FAM20B: variants seen among roughly 807,000 people sequenced by gnomAD.
FAM20B encodes the protein glycosaminoglycan xylosylkinase.
A neutral mutation model predicts 43.8 loss-of-function variants in FAM20B; 23 were observed. The observed-to-expected ratio is 0.53, with a 90% CI of 0.38 to 0.74. FAM20B has a LOEUF of 0.74. Ranked by LOEUF, FAM20B falls within the 30% of genes least tolerant of loss-of-function variation. FAM20B has a pLI of 0.00. For synonymous variants in FAM20B, 178 were observed against 192.4 expected, an observed-to-expected ratio of 0.93 and a Z score of 0.62; for missense variants, 440 against 510.5, an observed-to-expected ratio of 0.86 and a Z score of 1.33.
At chr1:179,017,336 C>G in the FAM20B span, among the ~76,000 whole-genome samples, 851 of 152,356 alleles carry the variant, frequency 5.6e-3, 10 homozygotes, top group African/African-American at 0.02. Context: ...GCAGCCTCAG[C>G]TCCTGTTGGT....
In FAM20B at chr1:179,071,923, T is replaced by G. The variant is rs887589979; in HGVS notation, c.1009T>G (p.Ser337Ala). 6.2e-7 allele frequency: 1 copy of G among 1,612,744 alleles called. No homozygotes were observed. The highest frequency in any genetic ancestry group is 1.3e-5 in the African/African-American group (1 of 74,910). The change falls in exon 8 of 8, where the codon TCC becomes GCC. Residue 337 changes from serine (S) to alanine (A), a missense_variant. Transcript: ENST00000263733. ...PLYQCCIIRV[S>A]TWNRLNYLKN... ...AACTTTTTCTCCCAGCATTCGGGTG[T>G]CCACCTGGAACAGACTGAACTACCT...
chr1:179,069,372 GT>G (rs1209176703), intron 7 of FAM20B, among the ~76,000 whole-genome samples: 1 of 151,990 alleles, frequency 6.6e-6, no homozygotes, highest in Non-Finnish European at 1.5e-5. Flanking sequence ...TTTTGTTTTT[GT>G]TTTGTTTTGT....
chr1:179,071,846 G>A (rs1651935740), intron 7 of FAM20B, 67 bp from the exon 8 acceptor site: 1 of 1,099,814 alleles, frequency 9.1e-7, no homozygotes, highest in Non-Finnish European at 1.4e-6. Context: ...TGTCTGCCTA[G>A]CAGGCTTTCA....
At chr1:179,048,196 C>T (rs941179853) in intron 2 of FAM20B, among the ~76,000 whole-genome samples, 7 of 152,076 alleles carry the variant, frequency 4.6e-5, no homozygotes, top group African/African-American at 7.2e-5. Flanking sequence ...CCTAGAAGCG[C>T]GTAGAAGTGA....
intron 7 of FAM20B, among the ~76,000 whole-genome samples, chr1:179,070,517 T>C (rs1211420727): frequency 2.7e-5 from 1 of 36,980 alleles, no homozygotes; most frequent in Non-Finnish European, 5.4e-5. Flanking sequence ...GAACTCGCCT[T>C]TTTTTTTTTT....
intron 5 of FAM20B, 47 bp from the exon 6 acceptor site, chr1:179,064,258 C>A: frequency 6.7e-7 from 1 of 1,498,492 alleles, no homozygotes; most frequent in Non-Finnish European, 9.2e-7. Flanking sequence ...TGTAACAGTG[C>A]CAGGTACAGT....
chr1:179,072,150 G>A lies in FAM20B; in HGVS notation c.*6G>A, dbSNP rs765890211. On this transcript the variant is annotated 3_prime_UTR_variant, in exon 8 of 8. Coordinates refer to ENST00000263733, the MANE Select transcript of FAM20B (RefSeq NM_014864.4). ...TGCCTCTCTCACACTTGTAATTCTC[G>A]ACACAAAATAAGTGAAACTTCTTTT... The A allele has an allele frequency of 1.6e-5, 25 of 1,594,252 alleles. No homozygotes were observed. The highest frequency in any genetic ancestry group is 6.8e-5 in the Admixed American group (4 of 59,064).
In FAM20B at chr1:179,076,564, T is replaced by C. The variant is rs1299062053; in HGVS notation, c.*4420T>C. 6.6e-6 allele frequency: 1 copy of C among 152,574 alleles called. No homozygotes were observed. Among genetic ancestry groups the C allele is most frequent in the Non-Finnish European group, 1.5e-5 (1 of 68,022 alleles). 9.5% of individuals were successfully genotyped at this position (152,574 alleles called of 1,614,324 possible). A position where few individuals can be genotyped will look rare whatever the true frequency, so the allele number is the denominator to read the frequency against. On this transcript the variant is annotated 3_prime_UTR_variant, in exon 8 of 8. Coordinates refer to ENST00000263733, the MANE Select transcript of FAM20B (RefSeq NM_014864.4). ...AAATGAATAAAGATTTTAATAAATA[T>C]TGATATCTGATCTTTTCCTCTTCTT...
At chr1:179,047,803 T>C (rs1368905444) in intron 2 of FAM20B, among the ~76,000 whole-genome samples, 1 of 152,246 alleles carries the variant, frequency 6.6e-6, no homozygotes, top group African/African-American at 2.4e-5. Flanking sequence ...ATTAATGTCC[T>C]TGGTCATACT....
chr1:179,043,723 G>T lies in FAM20B; in HGVS notation c.-125G>T. 1 of 973,426 alleles carries T rather than the reference G, an allele frequency of 1.0e-6. No individual in the cohort carries two copies. 60.3% of individuals were successfully genotyped at this position (973,426 alleles called of 1,614,324 possible). The stretch of plus-strand genomic sequence containing the variant: ...TGTACTTGGGCTTGCAGGAACTGTG[G>T]AAGGTGCATCAGTGAAGAAATGGAC... On this transcript the variant is annotated 5_prime_UTR_variant, in exon 2 of 8. Coordinates refer to ENST00000263733, the MANE Select transcript of FAM20B (RefSeq NM_014864.4).
At chr1:179,019,055 A>G in the FAM20B span, among the ~76,000 whole-genome samples, 3 of 152,202 alleles carry the variant, frequency 2.0e-5, no homozygotes, top group Non-Finnish European at 4.4e-5. Context: ...TGTTCTGTTT[A>G]TACCCTGAAC....
intron 7 of FAM20B, among the ~76,000 whole-genome samples, chr1:179,069,876 T>C (rs1001985801): frequency 1.3e-5 from 2 of 152,242 alleles, no homozygotes; most frequent in African/African-American, 4.8e-5. Flanking sequence ...CACAACAGGC[T>C]GCCTTTTACA....
At chr1:179,035,886 T>C (rs908021496) in intron 1 of FAM20B, among the ~76,000 whole-genome samples, 3 of 151,946 alleles carry the variant, frequency 2.0e-5, no homozygotes, top group Non-Finnish European at 2.9e-5. Context: ...TCACAGCACA[T>C]TGGGGGGCTG....
At chr1:179,071,509 C>A (rs1052161512) in intron 7 of FAM20B, among the ~76,000 whole-genome samples, 2 of 152,106 alleles carry the variant, frequency 1.3e-5, no homozygotes, top group Non-Finnish European at 2.9e-5. Context: ...TTCCTCCAAC[C>A]TCTTCCCCCC....
the FAM20B span, among the ~76,000 whole-genome samples, chr1:179,018,586 C>T: frequency 5.3e-5 from 8 of 152,110 alleles, no homozygotes; most frequent in Non-Finnish European, 7.3e-5. Context: ...GGATTGCAGG[C>T]GTCAGCCACC....
intron 1 of FAM20B, among the ~76,000 whole-genome samples, chr1:179,031,496 T>C (rs762096607): frequency 9.9e-5 from 15 of 152,234 alleles, no homozygotes; most frequent in Non-Finnish European, 2.2e-4. Context: ...AGTTCACTTA[T>C]TGAAATTATT....
At chr1:179,043,234 C>T (rs944106628) in intron 1 of FAM20B, among the ~76,000 whole-genome samples, 16 of 152,228 alleles carry the variant, frequency 1.1e-4, no homozygotes, top group African/African-American at 3.6e-4. Flanking sequence ...ATCAGCACTG[C>T]CCCAACCACA....
chr1:179,019,058 C>G, the FAM20B span, among the ~76,000 whole-genome samples: 1 of 152,180 alleles, frequency 6.6e-6, no homozygotes, highest in African/African-American at 2.4e-5. Flanking sequence ...TCTGTTTATA[C>G]CCTGAACAGA....
chr1:179,019,386 A>G, the FAM20B span, among the ~76,000 whole-genome samples: 1 of 150,904 alleles, frequency 6.6e-6, no homozygotes, highest in Non-Finnish European at 1.5e-5. Flanking sequence ...AAGACAACTG[A>G]TGATTTTGGT....
Sources: gnomAD v4.1 joint callset for allele counts (sites outside exome capture counted in the v4.1 genomes callset) on GRCh38, gnomAD v4.1.1 for gene constraint, MANE v1.5 for transcripts, NCBI Gene and HGNC (gene_info 2026-07-23, HGNC 2026-07-21) for gene names.